MGLL: variants seen among roughly 807,000 people sequenced by gnomAD.
MGLL encodes lysophospholipase homolog.
MGLL carries 7 observed loss-of-function variants against 29.1 expected under a neutral mutation model. The ratio of observed to expected loss-of-function variants is 0.24; its 90% CI spans 0.14 to 0.45. The LOEUF (loss-of-function observed/expected upper bound fraction) is 0.45, where lower values mean the gene tolerates loss of function less well. Ranked by LOEUF, MGLL falls within the 20% of genes least tolerant of loss-of-function variation. The pLI is 0.99. For missense variants in MGLL, 356 were observed against 413.6 expected (o/e 0.86, Z 1.21); for synonymous variants, 148 against 168.3 (o/e 0.88, Z 0.93).
chr3:127,782,789 C>T lies in MGLL; in HGVS notation c.156-894G>A, dbSNP rs111262101. ...GAGAACAAGCTGCCACCTTCCTGAG[C>T]ATTTACTATGCACCCGTTCCTCTGC... On this transcript the variant is annotated intron_variant, in intron 2 of 7. Transcript: ENST00000265052. 1.8e-3 allele frequency among the ~76,000 whole-genome samples: 278 copies of T among 152,298 alleles called. 1 individual carries two copies. The highest frequency in any genetic ancestry group is 0.017 in the Middle Eastern group (5 of 294).
At chr3:127,791,121 C>G (rs1196727398) in intron 2 of MGLL, 2 of 152,262 alleles carry the variant, frequency 1.3e-5, no homozygotes, top group South Asian at 4.1e-4. Context: ...GTGCAAATGC[C>G]CTGCTGAAAT....
At chr3:127,764,083 G>T (rs2107685484) in intron 3 of MGLL, among the ~76,000 whole-genome samples, 1 of 152,314 alleles carries the variant, frequency 6.6e-6, no homozygotes, top group South Asian at 2.1e-4. Context: ...TCTCTGGGTG[G>T]CACCCCATGC....
chr3:127,780,347 C>G (rs1233460536), intron 3 of MGLL, among the ~76,000 whole-genome samples: 1 of 152,008 alleles, frequency 6.6e-6, no homozygotes, highest in African/African-American at 2.4e-5. Context: ...TAGAACATAA[C>G]GATGATGAGT....
At chr3:127,770,748 C>T (rs187245598) in intron 3 of MGLL, among the ~76,000 whole-genome samples, 57 of 152,326 alleles carry the variant, frequency 3.7e-4, no homozygotes, top group Admixed American at 7.8e-4. Flanking sequence ...CTTTAAACAT[C>T]TTTAACCACT....
intron 3 of MGLL, among the ~76,000 whole-genome samples, chr3:127,781,072 T>C (rs2077115302): frequency 6.6e-6 from 1 of 151,790 alleles, no homozygotes; most frequent in Non-Finnish European, 1.5e-5. Flanking sequence ...TGGCCTGGGG[T>C]TGTGTGTGTG....
chr3:127,801,147 C>A (rs1184055363), intron 2 of MGLL, among the ~76,000 whole-genome samples: 1 of 151,326 alleles, frequency 6.6e-6, no homozygotes, highest in East Asian at 1.9e-4. Context: ...AGTAAAAATA[C>A]AAAAACTAGC....
At chr3:127,805,741 C>A (rs2077554330) in intron 2 of MGLL, among the ~76,000 whole-genome samples, 1 of 152,228 alleles carries the variant, frequency 6.6e-6, no homozygotes, top group African/African-American at 2.4e-5. Flanking sequence ...CACTTAATAG[C>A]ATGTAGCTGA....
intron 2 of MGLL, among the ~76,000 whole-genome samples, chr3:127,819,133 G>T (rs2077812897): frequency 6.6e-6 from 1 of 152,230 alleles, no homozygotes; most frequent in African/African-American, 2.4e-5. Context: ...TTATACGACA[G>T]AATTTGCTTG....
intron 3 of MGLL, among the ~76,000 whole-genome samples, chr3:127,729,801 AC>A (rs2076115378): frequency 6.6e-6 from 1 of 152,184 alleles, no homozygotes; most frequent in Non-Finnish European, 1.5e-5. Context: ...CCCTTGACAC[AC>A]ATTACATGCA....
chr3:127,755,289 A>T (rs1170911264), intron 3 of MGLL, among the ~76,000 whole-genome samples: 16 of 152,210 alleles, frequency 1.1e-4, no homozygotes, highest in Admixed American at 9.8e-4. Context: ...CTCTTGTAAA[A>T]GGAGGAAGAG....
At chr3:127,694,258 A>C in intron 7 of MGLL, among the ~76,000 whole-genome samples, 1 of 131,132 alleles carries the variant, frequency 7.6e-6, no homozygotes, top group Admixed American at 8.2e-5. Context: ...TGACAGAGGG[A>C]TACTCTGTCT....
At chr3:127,715,639 G>GT (rs1400919746) in intron 5 of MGLL, 1 of 456,238 alleles carries the variant, frequency 2.2e-6, no homozygotes, top group Admixed American at 2.3e-5. Flanking sequence ...GAGGAAGTGG[G>GT]TTGATTGTGC....
intron 7 of MGLL, among the ~76,000 whole-genome samples, chr3:127,694,286 A>AAATATAT (rs1174705130): frequency 3.1e-5 from 3 of 97,896 alleles, no homozygotes; most frequent in Admixed American, 1.2e-4. Flanking sequence ...AAAAAAAAAA[A>AAATATAT]ATATATATAT....
At chr3:127,716,891 A>G (rs1176155351) in intron 5 of MGLL, among the ~76,000 whole-genome samples, 1 of 152,146 alleles carries the variant, frequency 6.6e-6, no homozygotes, top group African/African-American at 2.4e-5. Flanking sequence ...GTGAGAGGAC[A>G]CCTTAAGGCA....
At chr3:127,778,963 T>C (rs13093842) in intron 3 of MGLL, among the ~76,000 whole-genome samples, 1 of 152,132 alleles carries the variant, frequency 6.6e-6, no homozygotes, top group African/African-American at 2.4e-5. Flanking sequence ...CTATGTTGCC[T>C]GGGCTGGTCT....
At chr3:127,742,478 T>C (rs143200421) in intron 3 of MGLL, among the ~76,000 whole-genome samples, 2 of 149,016 alleles carry the variant, frequency 1.3e-5, no homozygotes, top group African/African-American at 5.0e-5. Flanking sequence ...TAGTCCCAGA[T>C]AGTCAGGAGG....
chr3:127,758,788 A>G (rs1485664371), intron 3 of MGLL, among the ~76,000 whole-genome samples: 1 of 152,236 alleles, frequency 6.6e-6, no homozygotes, highest in African/African-American at 2.4e-5. Context: ...AGCAATTGCT[A>G]GGGAGAAAAA....
chr3:127,791,307 C>T (rs2077296582), intron 2 of MGLL: 3 of 152,304 alleles, frequency 2.0e-5, no homozygotes, highest in Admixed American at 2.0e-4. Flanking sequence ...GCCACCCCGC[C>T]TCCTCTCTCC....
intron 3 of MGLL, among the ~76,000 whole-genome samples, chr3:127,755,749 A>G (rs2076652618): frequency 6.6e-6 from 1 of 152,168 alleles, no homozygotes; most frequent in South Asian, 2.1e-4. Flanking sequence ...TTACACACTC[A>G]TGTTCCCTCG....
Sources: gnomAD v4.1 joint callset for allele counts (sites outside exome capture counted in the v4.1 genomes callset) on GRCh38, gnomAD v4.1.1 for gene constraint, MANE v1.5 for transcripts, NCBI Gene and HGNC (gene_info 2026-07-23, HGNC 2026-07-21) for gene names.